RFT1: variants seen among roughly 807,000 people sequenced by gnomAD.
The protein encoded by RFT1 is man(5)GlcNAc(2)-PP-dolichol translocation protein RFT1.
A neutral mutation model predicts 62.2 loss-of-function variants in RFT1; 43 were observed. That is an observed-to-expected ratio of 0.69 (90% confidence interval 0.54 to 0.89). RFT1 has a LOEUF of 0.89. Ranked by LOEUF, RFT1 falls within the 40% of genes least tolerant of loss-of-function variation. The probability of loss-of-function intolerance (pLI) is 0.00; values close to 1 mark genes in which losing one functional copy is unlikely to be tolerated. For synonymous variants in RFT1, 262 were observed against 264.6 expected, an observed-to-expected ratio of 0.99 and a Z score of 0.10; for missense variants, 605 against 649.9, an observed-to-expected ratio of 0.93 and a Z score of 0.75.
intron 10 of RFT1, among the ~76,000 whole-genome samples, chr3:53,100,560 T>C (rs912568822): frequency 1.8e-4 from 27 of 152,098 alleles, no homozygotes; most frequent in African/African-American, 6.3e-4. Context: ...ACGTGGGCCA[T>C]CCACACAAAG....
intron 4 of RFT1, 146 bp downstream of exon 4, chr3:53,122,228 T>C: frequency 1.2e-6 from 1 of 809,458 alleles, no homozygotes; most frequent in Non-Finnish European, 2.1e-6. Flanking sequence ...GTGTAAGAAC[T>C]TAACTGACCA....
At chr3:53,102,521 T>TTA in intron 10 of RFT1, among the ~76,000 whole-genome samples, 1 of 152,056 alleles carries the variant, frequency 6.6e-6, no homozygotes, top group Non-Finnish European at 1.5e-5. Context: ...GTTCTGTGAG[T>TTA]TACCAAGAAA....
At chr3:53,117,956 A>G (rs1701854158) in intron 6 of RFT1, among the ~76,000 whole-genome samples, 1 of 152,198 alleles carries the variant, frequency 6.6e-6, no homozygotes, top group Non-Finnish European at 1.5e-5. Flanking sequence ...GCAGTGGCAC[A>G]ATCATGGCTC....
At chr3:53,123,945 C>T in intron 2 of RFT1, 105 bp from the exon 3 acceptor site, 1 of 903,366 alleles carries the variant, frequency 1.1e-6, no homozygotes, top group Admixed American at 2.0e-5. Flanking sequence ...GGTCATAAAC[C>T]ACTGGTGGTG....
intron 7 of RFT1, among the ~76,000 whole-genome samples, chr3:53,109,270 G>A (rs191194617): frequency 6.6e-5 from 10 of 152,218 alleles, no homozygotes; most frequent in Admixed American, 3.9e-4. Context: ...CTGAGGGCAG[G>A]AGCCCCTCTC....
the RFT1 span, among the ~76,000 whole-genome samples, chr3:53,072,928 T>A: frequency 2.1e-5 from 3 of 140,930 alleles, no homozygotes; most frequent in Non-Finnish European, 4.4e-5. Context: ...CCTGCTCTAG[T>A]GCCTGCCGCA....
Position 53,130,391 on chromosome 3 carries a change from G to T in RFT1, c.10C>A (p.Gln4Lys), listed in dbSNP as rs773959881. 6.4e-7 allele frequency: 1 copy of T among 1,555,932 alleles called. No homozygotes were observed. The highest frequency in any genetic ancestry group is 8.7e-7 in the Non-Finnish European group (1 of 1,149,972). MGS[Q>K]EVLGHAARLA... Reference sequence around the variant, plus strand: ...CGGGCCGCGTGGCCCAGCACCTCCTGGCTGCCCATAGCCTCCGCGCCAGGC... The same window carrying T: ...CGGGCCGCGTGGCCCAGCACCTCCTTGCTGCCCATAGCCTCCGCGCCAGGC... Residue 4 changes from glutamine to lysine, a missense_variant, in exon 1 of 13, where the codon CAG (glutamine) becomes AAG (lysine). By Grantham distance (53) the Gln-to-Lys change is moderately conservative. Coordinates refer to ENST00000296292, the MANE Select transcript of RFT1 (RefSeq NM_052859.4).
At chr3:53,117,714 G>A (rs1242160177) in intron 6 of RFT1, among the ~76,000 whole-genome samples, 1 of 152,166 alleles carries the variant, frequency 6.6e-6, no homozygotes, top group African/African-American at 2.4e-5. Context: ...TCAGTGTGAC[G>A]GTGGTGATAT....
intron 10 of RFT1, among the ~76,000 whole-genome samples, chr3:53,101,275 C>T (rs537069022): frequency 2.0e-5 from 3 of 152,208 alleles, no homozygotes; most frequent in Non-Finnish European, 4.4e-5. Context: ...CTGACGGTGA[C>T]TCCAGGAAGG....
At chr3:53,087,778 C>G (rs1016794292), downstream of RFT1, among the ~76,000 whole-genome samples, 9 of 152,218 alleles carry the variant, frequency 5.9e-5, no homozygotes, top group South Asian at 2.1e-4. Context: ...GCTTCAGCCT[C>G]CGAAAGTGTT....
intron 10 of RFT1, 113 bp from the exon 11 acceptor site, chr3:53,099,599 T>A: frequency 1.3e-6 from 1 of 783,194 alleles, no homozygotes; most frequent in Non-Finnish European, 2.2e-6. Flanking sequence ...TCTGCTGGTA[T>A]CAGCAATGGG....
At chr3:53,106,748 G>T in intron 8 of RFT1, 71 bp downstream of exon 8, 1 of 1,115,588 alleles carries the variant, frequency 9.0e-7, no homozygotes, top group South Asian at 1.3e-5. Flanking sequence ...AAATATATCA[G>T]AGAAAAATAT....
chr3:53,092,708 G>T lies in RFT1; in HGVS notation c.1209-90C>A. 2 of 1,432,054 alleles carry T rather than the reference G, an allele frequency of 1.4e-6. 1 individual carries two copies. The highest frequency in any genetic ancestry group is 2.5e-5 in the South Asian group (2 of 79,842). 88.7% of individuals were successfully genotyped at this position (1,432,054 alleles called of 1,614,324 possible). On this transcript the variant is annotated intron_variant, in intron 11 of 12. Coordinates refer to ENST00000296292, the MANE Select transcript of RFT1 (RefSeq NM_052859.4). ...CAGCGGCCATGAACATCAACTCACAGAAAGAACCTGAGCTCCTGGAATCCA... is the reference window on the plus strand; with the variant it reads ...CAGCGGCCATGAACATCAACTCACATAAAGAACCTGAGCTCCTGGAATCCA...
chr3:53,092,913 G>A (rs1701039203), intron 11 of RFT1, among the ~76,000 whole-genome samples: 1 of 152,208 alleles, frequency 6.6e-6, no homozygotes, highest in Non-Finnish European at 1.5e-5. Flanking sequence ...TCCTCAATGT[G>A]AGATACAAGA....
At chr3:53,119,728 T>A (rs1701912401) in intron 6 of RFT1, among the ~76,000 whole-genome samples, 156 bp downstream of exon 6, 1 of 152,192 alleles carries the variant, frequency 6.6e-6, no homozygotes, top group South Asian at 2.1e-4. Context: ...GTGCAAAGAT[T>A]TAGAAACCCT....
intron 11 of RFT1, among the ~76,000 whole-genome samples, chr3:53,098,302 C>T (rs1701199221): frequency 6.6e-6 from 1 of 152,208 alleles, no homozygotes; most frequent in African/African-American, 2.4e-5. Flanking sequence ...TCTCATCAGT[C>T]TGGACTGAGA....
intron 2 of RFT1, 96 bp from the exon 3 acceptor site, chr3:53,123,936 G>C: frequency 1.0e-6 from 1 of 983,998 alleles, no homozygotes; most frequent in East Asian, 2.6e-5. Context: ...TAAAGTCTTG[G>C]TCATAAACCA....
At chr3:53,079,634 T>C in the RFT1 span, among the ~76,000 whole-genome samples, 1 of 152,060 alleles carries the variant, frequency 6.6e-6, no homozygotes, top group Non-Finnish European at 1.5e-5. Context: ...CTTGAGAGGC[T>C]GAGGCAGGAG....
At chr3:53,127,652 TA>T (rs34417920) in intron 1 of RFT1, among the ~76,000 whole-genome samples, 96,304 of 137,778 alleles carry the variant, frequency 0.7, 33,070 homozygotes, top group East Asian at 0.85. Context: ...GACTCCATCT[TA>T]AAAAAAAAAA....
Sources: gnomAD v4.1 joint callset for allele counts (sites outside exome capture counted in the v4.1 genomes callset) on GRCh38, gnomAD v4.1.1 for gene constraint, MANE v1.5 for transcripts, NCBI Gene and HGNC (gene_info 2026-07-23, HGNC 2026-07-21) for gene names.